Variants in IRF8 observed in about 807,000 individuals in gnomAD.
IRF8 encodes the protein interferon consensus sequence binding protein 1.
IRF8 carries 14 observed loss-of-function variants against 48.7 expected under a neutral mutation model. The ratio of observed to expected loss-of-function variants is 0.29; its 90% CI spans 0.19 to 0.45. The LOEUF (loss-of-function observed/expected upper bound fraction) is 0.45. Ranked by LOEUF, IRF8 falls within the 20% of genes least tolerant of loss-of-function variation. IRF8 has a pLI of 1.00. For synonymous variants in IRF8, 278 were observed against 227.3 expected (o/e 1.22, Z -2.01); for missense variants, 493 against 580.7 (o/e 0.85, Z 1.55).
chr16:85,921,102 C>A lies in IRF8; in HGVS notation c.1105-4C>A. 6.2e-7 allele frequency: 1 copy of A among 1,611,346 alleles called. No homozygotes were observed. Among genetic ancestry groups the A allele is most frequent in the Non-Finnish European group, 8.5e-7 (1 of 1,178,760 alleles). ...GCCTCTGACTTTCTGCACCTCCCAT[C>A]TAGATTGAGCAGCTGTATGTCCGGC... On this transcript the variant is annotated splice_polypyrimidine_tract_variant and splice_region_variant and intron_variant, in intron 8 of 8. Coordinates refer to ENST00000268638, the MANE Select transcript of IRF8 (RefSeq NM_002163.4).
At chr16:85,899,630 A>G (rs1462063574) in intron 1 of IRF8, among the ~76,000 whole-genome samples, 1 of 152,186 alleles carries the variant, frequency 6.6e-6, no homozygotes, top group Non-Finnish European at 1.5e-5. Context: ...GAACTGCCCA[A>G]TAACCAGTCG....
In IRF8 at chr16:85,920,232, T is replaced by G. The variant is rs749015309; in HGVS notation, c.1104+8T>G. 2.9e-5 allele frequency: 38 copies of G among 1,331,032 alleles called. No homozygotes were observed. The African/African-American group carries it at 5.1e-4, about 18-fold the overall frequency. The allele number at this position is 1,331,032 out of a possible 1,614,324, so 82.5% of individuals were successfully genotyped here. On this transcript the variant is annotated splice_region_variant and intron_variant, in intron 8 of 8. Transcript: ENST00000268638. The stretch of plus-strand genomic sequence containing the variant: ...AAACTCATTCTCGTGCAGGTAAGTA[T>G]GGGCAGCTTTTTTTTTTTTTTTTTT...
intron 5 of IRF8, among the ~76,000 whole-genome samples, chr16:85,913,728 A>G (rs1339907439): frequency 6.6e-6 from 1 of 152,200 alleles, no homozygotes; most frequent in East Asian, 1.9e-4. Context: ...CCTAGATTTG[A>G]ATCCCACGCT....
chr16:85,909,227 C>T (rs748049244), intron 3 of IRF8, 54 bp downstream of exon 3: 1 of 1,497,432 alleles, frequency 6.7e-7, no homozygotes, highest in South Asian at 1.1e-5. Flanking sequence ...GGCCTGTAGC[C>T]TTCACCACAG....
rs1388876338 is a variant in IRF8 at position 85,903,050 on chromosome 16, A to T, written c.35A>T (p.Gln12Leu). The T allele has an allele frequency of 3.7e-6, 6 of 1,614,088 alleles. No homozygotes were observed. The African/African-American group carries it at 8.0e-5, about 22-fold the overall frequency. ...CGGAATGGTGGTCGGCGGCTTCGAC[A>T]GTGGCTGATCGAGCAGATTGACAGT... ...CDRNGGRRLR[Q>L]WLIEQIDSSM... The change falls in exon 2 of 9, where the codon CAG becomes CTG. Residue 12 changes from glutamine (Q) to leucine (L), a missense_variant. Gln to Leu is a moderately radical substitution (Grantham distance 113). Coordinates refer to ENST00000268638, the MANE Select transcript of IRF8 (RefSeq NM_002163.4).
At chr16:85,905,655 C>G (rs1405089005) in intron 2 of IRF8, among the ~76,000 whole-genome samples, 1 of 152,210 alleles carries the variant, frequency 6.6e-6, no homozygotes, top group Non-Finnish European at 1.5e-5. Flanking sequence ...CCCATCCATC[C>G]TCTGAGAGGC....
At chr16:85,912,349 G>T (rs955652297) in intron 4 of IRF8, among the ~76,000 whole-genome samples, 1 of 152,182 alleles carries the variant, frequency 6.6e-6, no homozygotes, top group African/African-American at 2.4e-5. Flanking sequence ...ACTAAACCTC[G>T]TGCAGCCTTT....
chr16:85,918,337 T>G (rs1454780872), intron 6 of IRF8, 80 bp from the exon 7 acceptor site: 1 of 1,496,734 alleles, frequency 6.7e-7, no homozygotes, highest in East Asian at 2.3e-5. Flanking sequence ...CGTGTAGGTG[T>G]GAGACAGACT....
Position 85,918,411 on chromosome 16 carries a change from C to T in IRF8, c.602-6C>T, listed in dbSNP as rs200999470. Reference sequence around the variant, plus strand: ...AGCACCGTCATCGTGTCCCTCTTGTCCACAGCATTCTCCCAGATGGTGATC... The same window carrying T: ...AGCACCGTCATCGTGTCCCTCTTGTTCACAGCATTCTCCCAGATGGTGATC... On this transcript the variant is annotated splice_polypyrimidine_tract_variant and splice_region_variant and intron_variant, in intron 6 of 8. Transcript: ENST00000268638. 6.3e-7 allele frequency: 1 copy of T among 1,594,928 alleles called. No homozygotes were observed. Among genetic ancestry groups the T allele is most frequent in the East Asian group, 2.2e-5 (1 of 44,822 alleles).
rs1327428842 is a variant in IRF8, at chr16:85,922,383, G to C, written c.*1101G>C. 6.6e-6 allele frequency: 1 copy of C among 152,336 alleles called. No homozygotes were observed. The highest frequency in any genetic ancestry group is 1.5e-5 in the Non-Finnish European group (1 of 68,038). 9.4% of individuals were successfully genotyped at this position (152,336 alleles called of 1,614,324 possible). On this transcript the variant is annotated 3_prime_UTR_variant, in exon 9 of 9. Transcript: ENST00000268638. ...ACAGGCGAATAGAGGAGAGGACCAG[G>C]GGACGTGGCTTGTCCCTTTTGTCCA...
intron 6 of IRF8, among the ~76,000 whole-genome samples, chr16:85,916,014 G>A (rs527660122): frequency 6.6e-6 from 1 of 152,018 alleles, no homozygotes; most frequent in South Asian, 2.1e-4. Flanking sequence ...TAAATGTGCT[G>A]GTAGGTCCCA....
Position 85,921,418 on chromosome 16 carries a change from G to T in IRF8, c.*136G>T. ...TTACTTTGCACTTAATTTAATAAGG[G>T]CATTCTCGGAGGAGTAGACGTTTAA... On this transcript the variant is annotated 3_prime_UTR_variant, in exon 9 of 9. Transcript: ENST00000268638. 2 of 940,134 alleles carry T rather than the reference G, an allele frequency of 2.1e-6. No individual in the cohort carries two copies. Among genetic ancestry groups the T allele is most frequent in the South Asian group, 2.7e-5 (2 of 74,496 alleles). 58.2% of individuals were successfully genotyped at this position (940,134 alleles called of 1,614,324 possible).
chr16:85,902,968 T>G, intron 1 of IRF8, 47 bp from the exon 2 acceptor site: 1 of 1,605,066 alleles, frequency 6.2e-7, no homozygotes, highest in Non-Finnish European at 8.5e-7. Context: ...CTGTGATGAA[T>G]GAGACAATAT....
At chr16:85,912,084 T>A (rs947401872) in intron 4 of IRF8, among the ~76,000 whole-genome samples, 1 of 152,238 alleles carries the variant, frequency 6.6e-6, no homozygotes, top group African/African-American at 2.4e-5. Flanking sequence ...TTGTACCAGC[T>A]CTCATGGCTA....
chr16:85,921,406 A>C lies in IRF8; in HGVS notation c.*124A>C. On this transcript the variant is annotated 3_prime_UTR_variant, in exon 9 of 9. Coordinates refer to ENST00000268638, the MANE Select transcript of IRF8 (RefSeq NM_002163.4). ...GGGTGGGATGCCTTACTTTGCACTT[A>C]ATTTAATAAGGGCATTCTCGGAGGA... is the stretch of plus-strand genomic sequence containing the variant. 9.5e-7 allele frequency: 1 copy of C among 1,051,064 alleles called. No homozygotes were observed. The highest frequency in any genetic ancestry group is 1.5e-6 in the Non-Finnish European group (1 of 685,102). The allele number at this position is 1,051,064 out of a possible 1,614,324, so 65.1% of individuals were successfully genotyped here.
intron 3 of IRF8, chr16:85,909,600 T>C (rs1399464607): frequency 4.0e-6 from 1 of 251,476 alleles, no homozygotes. Flanking sequence ...CCTTCGTTGT[T>C]GGAGATGGGA....
rs186102446 is a variant in IRF8 at position 85,916,192 on chromosome 16, C to A, written c.601+1672C>A. On this transcript the variant is annotated intron_variant, in intron 6 of 8. Transcript: ENST00000268638. ...AAGCTCCGATAATCCTCACAGCAGC[C>A]CAGTGAGGTGGATGCTGTTTTTATC... 3.9e-5 allele frequency among the ~76,000 whole-genome samples: 6 copies of A among 152,302 alleles called. No homozygotes were observed. In the East Asian group the frequency reaches 1.2e-3, roughly 29 times the overall value.
At position 85,905,976 on chromosome 16, in the gene IRF8, C is replaced by G. The variant is rs3794663; in HGVS notation, c.174+2787C>G. Reference sequence around the variant, plus strand: ...AAAAAACATTGAGCTCATTTTGTACCGACCCTGAGTACACTGATGAGGCCC... The same window carrying G: ...AAAAAACATTGAGCTCATTTTGTACGGACCCTGAGTACACTGATGAGGCCC... On this transcript the variant is annotated intron_variant, in intron 2 of 8. Transcript: ENST00000268638. Among the ~76,000 whole-genome samples, 22 of 152,218 alleles carry G rather than the reference C, an allele frequency of 1.4e-4. No homozygotes were observed. The East Asian group carries it at 4.0e-3, about 28-fold the overall frequency.
At chr16:85,914,294 C>T (rs1457926458) in intron 5 of IRF8, 179 bp from the exon 6 acceptor site, 1 of 689,496 alleles carries the variant, frequency 1.5e-6, no homozygotes, top group Non-Finnish European at 2.6e-6. Context: ...ATTTGTGAAA[C>T]AATGGCTCTC....
Sources: allele counts gnomAD v4.1 joint callset (sites outside exome capture counted in the v4.1 genomes callset), GRCh38; gene constraint gnomAD v4.1.1; transcripts MANE v1.5; gene names NCBI Gene and HGNC (gene_info 2026-07-23, HGNC 2026-07-21).